Variants in SART1 observed in about 807,000 individuals in gnomAD.
SART1 encodes spliceosome associated factor 1, recruiter of U4/U6.U5 tri-snRNP, also known as U4/U6.U5 tri-snRNP-associated protein 1.
Under a neutral mutation model 105.0 loss-of-function variants are expected in SART1, and 28 were observed. The ratio of observed to expected loss-of-function variants is 0.27; its 90% CI spans 0.20 to 0.37. The LOEUF is 0.37. Among genes scored for constraint, SART1 ranks in the 10% least tolerant of loss-of-function variants. SART1 has a pLI of 1.00. For synonymous variants in SART1, 472 were observed against 462.9 expected, an observed-to-expected ratio of 1.02 and a Z score of -0.25; for missense variants, 894 against 1,106.5, an observed-to-expected ratio of 0.81 and a Z score of 2.72.
At chr11:65,977,693 G>A in intron 16 of SART1, 40 bp downstream of exon 16, 1 of 1,613,692 alleles carries the variant, frequency 6.2e-7, no homozygotes, top group African/African-American at 1.3e-5. Context: ...AGGGGCCTGT[G>A]CCAGCTTGGA....
chr11:65,967,420 GCTGGGGTGGC>G, intron 10 of SART1, 37 bp downstream of exon 10: 6 of 1,613,816 alleles, frequency 3.7e-6, no homozygotes, highest in Non-Finnish European at 5.1e-6. Context: ...AGATGGCTGG[GCTGGGGTGGC>G]CTGGGGACCG....
Position 65,976,305 on chromosome 11 carries a change from C to G in SART1, c.1573-90C>G. The G allele has an allele frequency of 7.3e-7, 1 of 1,378,648 alleles. No homozygotes were observed. The highest frequency in any genetic ancestry group is 9.6e-7 in the Non-Finnish European group (1 of 1,042,152). 85.4% of individuals were successfully genotyped at this position (1,378,648 alleles called of 1,614,324 possible). A position where few individuals can be genotyped will look rare whatever the true frequency, so the allele number is the denominator to read the frequency against. On this transcript the variant is annotated intron_variant, in intron 12 of 19. Coordinates refer to ENST00000312397, the MANE Select transcript of SART1 (RefSeq NM_005146.5). The surrounding 1 kb of genome is among the most constrained non-coding windows in gnomAD (Gnocchi z 5.1). ...TGGGCTGTGGGCGTGGCCTGTCTGG[C>G]TGCTGCCAGGGAGGACCCTTAGGTT...
rs774301387 is a variant in SART1 at position 65,979,021 on chromosome 11, C to T, written c.2394C>T (p.Ile798=). The change falls in exon 20 of 20, where the codon ATC becomes ATT. Residue 798 remains isoleucine (I), a synonymous_variant. Coordinates refer to ENST00000312397, the MANE Select transcript of SART1 (RefSeq NM_005146.5). ...CTGTTCTTCTCTGCAGGAACACCAT[C>T]ACCAAGTGACAGCGCCCTCCCGCCC... ...GSGKSMNANT[I]TK The T allele has an allele frequency of 1.2e-6, 2 of 1,614,080 alleles. No homozygotes were observed. Among genetic ancestry groups the T allele is most frequent in the South Asian group, 2.2e-5 (2 of 91,096 alleles).
In SART1 at chr11:65,961,856, A is replaced by G. The variant is rs1049980112; in HGVS notation, c.76A>G (p.Thr26Ala). 2.2e-5 allele frequency: 34 copies of G among 1,573,820 alleles called. No individual in the cohort carries two copies. The highest frequency in any genetic ancestry group is 2.7e-5 in the Non-Finnish European group (31 of 1,161,914). Residue 26 changes from threonine to alanine, a missense_variant, in exon 1 of 20, where the codon ACC becomes GCC. By Grantham distance (58) the Thr-to-Ala change is moderately conservative (BLOSUM62 0). Around this residue, in one of 2 missense-constraint regions of SART1, gnomAD observed 712 missense variants for 778.2 expected, o/e 0.91. Coordinates refer to ENST00000312397, the MANE Select transcript of SART1 (RefSeq NM_005146.5). Reference sequence around the variant, plus strand: ...GGCGGCGGCCGGCACCGGGGGTGCCACCGAGCAGCCGCCGCGGCACCGGGA... The same window carrying G: ...GGCGGCGGCCGGCACCGGGGGTGCCGCCGAGCAGCCGCCGCGGCACCGGGA... ...TTAAAGTGGATEQPPRHREHK... is the reference protein window; with the variant it reads ...TTAAAGTGGAAEQPPRHREHK...
chr11:65,975,581 T>C (rs1855464521), intron 12 of SART1, among the ~76,000 whole-genome samples: 1 of 151,772 alleles, frequency 6.6e-6, no homozygotes. Context: ...AATTTTTATG[T>C]TTTTTGTAGA....
Position 65,978,971 on chromosome 11 carries a change from T to C in SART1, c.2385-41T>C. On this transcript the variant is annotated intron_variant, in intron 19 of 19. Transcript: ENST00000312397. This position sits in a 1 kb window ranked among gnomAD's most constrained non-coding sequence, Gnocchi z 6.8. ...TGGTGGGGAGGGGTGGCGTGGCCTG[T>C]GCCCGCCTCTGCAGCCTCACGCCCC... The C allele has an allele frequency of 6.2e-7, 1 of 1,613,440 alleles. No homozygotes were observed. Among genetic ancestry groups the C allele is most frequent in the Non-Finnish European group, 8.5e-7 (1 of 1,179,812 alleles).
intron 5 of SART1, 82 bp from the exon 6 acceptor site, chr11:65,965,620 C>T: frequency 6.9e-7 from 1 of 1,449,604 alleles, no homozygotes. Context: ...GCCCTTTTTG[C>T]ACTCCGCTTG....
chr11:65,964,058 C>A lies in SART1; in HGVS notation c.314-16C>A. 1.2e-6 allele frequency: 2 copies of A among 1,609,652 alleles called. No homozygotes were observed. The highest frequency in any genetic ancestry group is 1.7e-6 in the Non-Finnish European group (2 of 1,179,786). On this transcript the variant is annotated splice_polypyrimidine_tract_variant and intron_variant, in intron 1 of 19. Coordinates refer to ENST00000312397, the MANE Select transcript of SART1 (RefSeq NM_005146.5). ...CCCTGTGTTCAGCTCCTGAGCCATGCTTCTTCTTGTTCCAGCTGCCAGCTC... is the reference window on the plus strand; with the variant it reads ...CCCTGTGTTCAGCTCCTGAGCCATGATTCTTCTTGTTCCAGCTGCCAGCTC...
Position 65,980,129 on chromosome 11 carries a change from TTAAAA to T in SART1, c.*1103_*1107del, listed in dbSNP as rs1234634300. Among the ~76,000 whole-genome samples the T allele has an allele frequency of 6.6e-6, 1 of 152,012 alleles. No individual in the cohort carries two copies. Among genetic ancestry groups the T allele is most frequent in the Non-Finnish European group, 1.5e-5 (1 of 68,000 alleles). ...CTGTCTCAAAAAAAATAAAAAAAAT[TTAAAA>T]TAATCTTGGGGTGAGGAAACTGTAG... On this transcript the variant is annotated 3_prime_UTR_variant, in exon 20 of 20. Coordinates refer to ENST00000312397, the MANE Select transcript of SART1 (RefSeq NM_005146.5).
rs539972337 is a variant in SART1 at position 65,978,498 on chromosome 11, G to A, written c.2173-102G>A. 3.7e-5 allele frequency: 42 copies of A among 1,134,382 alleles called. No individual in the cohort carries two copies. The African/African-American group carries it at 6.0e-4, about 16-fold the overall frequency. The allele number at this position is 1,134,382 out of a possible 1,614,324, so 70.3% of individuals were successfully genotyped here. A position where few individuals can be genotyped will look rare whatever the true frequency, so the allele number is the denominator to read the frequency against. ...CCCACTGCACCCCAGGCCTGGCATT[G>A]GGGTCAATCAACACCCGCCCTGTTA... On this transcript the variant is annotated intron_variant, in intron 17 of 19. Coordinates refer to ENST00000312397, the MANE Select transcript of SART1 (RefSeq NM_005146.5). The surrounding 1 kb of genome is among the most constrained non-coding windows in gnomAD (Gnocchi z 6.8).
intron 12 of SART1, among the ~76,000 whole-genome samples, chr11:65,968,201 G>A (rs12797319): frequency 0.37 from 55,720 of 151,980 alleles, 12,017 homozygotes; most frequent in Admixed American, 0.54. Flanking sequence ...GCCTGCCTCT[G>A]CCTCCGAAAA....
rs911327361 is a variant in SART1 at position 65,978,216 on chromosome 11, C to T, written c.2172+317C>T. On this transcript the variant is annotated intron_variant, in intron 17 of 19. Transcript: ENST00000312397. This position sits in a 1 kb window ranked among gnomAD's most constrained non-coding sequence, Gnocchi z 6.8. ...TTCCTGGCCCGCAGGGCCATTCCAG[C>T]GTCCAGGCCCTTCCAGCACTCTCGT... The T allele has an allele frequency of 1.4e-5, 7 of 495,450 alleles. No homozygotes were observed. Among genetic ancestry groups the T allele is most frequent in the South Asian group, 4.4e-5 (2 of 45,062 alleles). 30.7% of individuals were successfully genotyped at this position (495,450 alleles called of 1,614,324 possible). A position where few individuals can be genotyped will look rare whatever the true frequency, so the allele number is the denominator to read the frequency against.
chr11:65,966,993 A>G (rs999588712), intron 9 of SART1, among the ~76,000 whole-genome samples: 13 of 152,058 alleles, frequency 8.5e-5, no homozygotes, highest in African/African-American at 3.1e-4. Flanking sequence ...AGTGGGTAAG[A>G]GCAGGACTCT....
At chr11:65,975,138 C>T in intron 12 of SART1, among the ~76,000 whole-genome samples, 2 of 138,630 alleles carry the variant, frequency 1.4e-5, no homozygotes, top group East Asian at 4.2e-4. Context: ...GGGTATTGCT[C>T]TGTTGCCCAG....
In SART1 at chr11:65,965,805, G is replaced by A. The variant is rs777592613; in HGVS notation, c.738+26G>A. 5 of 1,613,696 alleles carry A rather than the reference G, an allele frequency of 3.1e-6. No homozygotes were observed. The South Asian group carries it at 5.5e-5, about 18-fold the overall frequency. On this transcript the variant is annotated intron_variant, in intron 6 of 19. Coordinates refer to ENST00000312397, the MANE Select transcript of SART1 (RefSeq NM_005146.5). ...GTGAGGCTGCAGCAGGGGTGGTACA[G>A]GGGACACTGGTGGCCTTGCTACCGG...
rs1193361633 is a variant in SART1, at chr11:65,967,785, AC to A, written c.1537del (p.Gln513SerfsTer17). On this transcript the variant is annotated frameshift_variant, in exon 12 of 20. Transcript: ENST00000312397. LOFTEE classifies it high-confidence loss of function. ...AGAAGGGACGCCGGCTGCGACAGTT[AC>A]AGCAGCTACAGCAGCTGCGAGACAG... ...LEKGRRLRQL[Q>X]QLQQLRDSGE... 1 of 1,547,076 alleles carries A rather than the reference AC, an allele frequency of 6.5e-7. No individual in the cohort carries two copies. Among genetic ancestry groups the A allele is most frequent in the Non-Finnish European group, 8.7e-7 (1 of 1,145,824 alleles).
intron 1 of SART1, 96 bp from the exon 2 acceptor site, chr11:65,963,978 T>C: frequency 9.7e-7 from 1 of 1,031,788 alleles, no homozygotes; most frequent in South Asian, 1.4e-5. Context: ...CAGGTGCTGG[T>C]GAGGGGCCCT....
intron 6 of SART1, 24 bp downstream of exon 6, chr11:65,965,803 C>T (rs1488341875): frequency 1.1e-5 from 17 of 1,613,474 alleles, no homozygotes; most frequent in Non-Finnish European, 1.4e-5. Context: ...AGGGGTGGTA[C>T]AGGGGACACT....
At chr11:65,971,558 A>G (rs1384138318) in intron 12 of SART1, among the ~76,000 whole-genome samples, 5 of 4,974 alleles carry the variant, frequency 1.0e-3, no homozygotes, top group Admixed American at 4.3e-3. Context: ...GAGGAGGGGG[A>G]TGGTGGGATT....
Sources: gnomAD v4.1 joint callset for allele counts (sites outside exome capture counted in the v4.1 genomes callset) on GRCh38, gnomAD v4.1.1 for gene constraint, gnomAD v4.1.1 regional missense constraint, Gnocchi (gnomAD v3.1) non-coding constraint, MANE v1.5 for transcripts, NCBI Gene and HGNC (gene_info 2026-07-23, HGNC 2026-07-21) for gene names.